The following ACACA variants were observed in gnomAD, a reference collection of about 807,000 sequenced individuals.
The protein encoded by ACACA is acetyl-CoA carboxylase 1.
ACACA carries 103 observed loss-of-function variants against 296.1 expected under a neutral mutation model. The observed-to-expected ratio is 0.35, with a 90% CI of 0.30 to 0.41. ACACA has a LOEUF of 0.41. ACACA is among the 10% of genes least tolerant of loss of function. The probability of loss-of-function intolerance (pLI) is 1.00; values close to 1 mark genes in which losing one functional copy is unlikely to be tolerated. For synonymous variants in ACACA, 953 were observed against 1,038.6 expected (o/e 0.92, Z 1.58); for missense variants, 1,554 against 2,989.7 (o/e 0.52, Z 11.20).
chr17:37,174,777 C>T (rs2077047258), intron 41 of ACACA, among the ~76,000 whole-genome samples: 1 of 151,740 alleles, frequency 6.6e-6, no homozygotes, highest in Admixed American at 6.6e-5. Flanking sequence ...ATGATCTGCC[C>T]GCCTCAGCCT....
intron 41 of ACACA, among the ~76,000 whole-genome samples, chr17:37,165,180 A>C (rs1173309056): frequency 7.4e-6 from 1 of 135,294 alleles, no homozygotes; most frequent in Non-Finnish European, 1.5e-5. Context: ...TCCCAGTCTC[A>C]GTGCAGCAAG....
In ACACA at chr17:37,221,766, A is replaced by G. The variant is rs766431055; in HGVS notation, c.3641T>C (p.Val1214Ala). 6.2e-7 allele frequency: 1 copy of G among 1,614,224 alleles called. No homozygotes were observed. The highest frequency in any genetic ancestry group is 1.1e-5 in the South Asian group (1 of 91,082). Residue 1214 changes from valine to alanine, a missense_variant, in exon 29 of 56, where the codon GTG (valine) becomes GCG (alanine). Coordinates refer to ENST00000616317, the MANE Select transcript of ACACA (RefSeq NM_198834.3). The part of the protein sequence containing the change: ...QHRQLKDNTC[V>A]VEFQFMLPTS... ...GGGCAGCATGAACTGGAATTCCACC[A>G]CACAGGTGTTGTCCTTAAGCTGGCG...
chr17:37,310,793 CAAA>C (rs74268026), intron 3 of ACACA, among the ~76,000 whole-genome samples: 1 of 50,506 alleles, frequency 2.0e-5, no homozygotes, highest in Non-Finnish European at 3.9e-5. Context: ...GACACCATCT[CAAA>C]AAAAAAAAAA....
At chr17:37,210,421 T>C (rs1279140504) in intron 30 of ACACA, 46 bp downstream of exon 30, 1 of 1,573,486 alleles carries the variant, frequency 6.4e-7, no homozygotes, top group African/African-American at 1.4e-5. Context: ...TATTCTAAGT[T>C]ACATAAAGGT....
At chr17:37,160,249 G>C (rs759080228) in intron 42 of ACACA, among the ~76,000 whole-genome samples, 1 of 152,208 alleles carries the variant, frequency 6.6e-6, no homozygotes, top group East Asian at 1.9e-4. Flanking sequence ...AAGAGCAGGA[G>C]GAAGTGTTGA....
intron 43 of ACACA, among the ~76,000 whole-genome samples, chr17:37,152,826 G>C (rs1288306100): frequency 6.6e-6 from 1 of 152,168 alleles, no homozygotes; most frequent in Non-Finnish European, 1.5e-5. Flanking sequence ...CCCCATAGTG[G>C]CTCTTAAAAT....
intron 1 of ACACA, among the ~76,000 whole-genome samples, chr17:37,354,734 A>C (rs1411197595): frequency 6.6e-6 from 1 of 151,878 alleles, no homozygotes; most frequent in African/African-American, 2.4e-5. Context: ...AGACCAGTCT[A>C]GGCAGTAAAG....
chr17:37,217,764 A>G (rs1015209687), intron 29 of ACACA, among the ~76,000 whole-genome samples: 1 of 106,762 alleles, frequency 9.4e-6, no homozygotes, highest in Non-Finnish European at 1.9e-5. Context: ...AAAAAAAAAA[A>G]CAACCTGTTT....
intron 48 of ACACA, among the ~76,000 whole-genome samples, chr17:37,125,260 T>C (rs1174020643): frequency 1.3e-5 from 2 of 152,034 alleles, no homozygotes; most frequent in African/African-American, 4.8e-5. Flanking sequence ...TATAATCCAA[T>C]ATAGTACATT....
chr17:37,375,186 T>TC (rs2049952241), intron 1 of ACACA, among the ~76,000 whole-genome samples: 1 of 148,816 alleles, frequency 6.7e-6, no homozygotes, highest in Non-Finnish European at 1.5e-5. Context: ...AGAACGAGAC[T>TC]CCATTTCACA....
At chr17:37,239,262 T>C (rs2080271145) in intron 24 of ACACA, among the ~76,000 whole-genome samples, 1 of 152,230 alleles carries the variant, frequency 6.6e-6, no homozygotes. Flanking sequence ...TAATAATCAA[T>C]CTGTGAATCC....
intron 41 of ACACA, among the ~76,000 whole-genome samples, chr17:37,176,070 T>C (rs1295828864): frequency 1.3e-5 from 2 of 152,182 alleles, no homozygotes; most frequent in African/African-American, 4.8e-5. Flanking sequence ...CCATCACCTT[T>C]TTACCTATTT....
At position 37,250,034 on chromosome 17, in the gene ACACA, C is replaced by T. The variant is rs139369253; in HGVS notation, c.2082-1360G>A. The stretch of plus-strand genomic sequence containing the variant: ...AAGATGTGTCTTTGCTCTTCCTTTG[C>T]CTTCCGCCATGATTGTGAGGCCTCC... On this transcript the variant is annotated intron_variant, in intron 16 of 55. Transcript: ENST00000616317. 5.7e-4 allele frequency among the ~76,000 whole-genome samples: 87 copies of T among 152,320 alleles called. No homozygotes were observed. In the East Asian group the frequency reaches 0.017, roughly 29 times the overall value.
At chr17:37,388,434 G>A (rs2050644718) in intron 1 of ACACA, among the ~76,000 whole-genome samples, 1 of 152,094 alleles carries the variant, frequency 6.6e-6, no homozygotes, top group African/African-American at 2.4e-5. Context: ...CCAATTCCAG[G>A]GAAGGTGACT....
intron 5 of ACACA, 141 bp downstream of exon 5, chr17:37,283,126 A>T: frequency 9.6e-7 from 1 of 1,042,070 alleles, no homozygotes; most frequent in Non-Finnish European, 1.4e-6. Flanking sequence ...GACACATTTT[A>T]AACAGAAATT....
chr17:37,136,760 G>A (rs941092819), intron 45 of ACACA, among the ~76,000 whole-genome samples: 7 of 152,212 alleles, frequency 4.6e-5, no homozygotes, highest in South Asian at 2.1e-4. Context: ...GGATAACACG[G>A]TGAAACCCCA....
Position 37,167,539 on chromosome 17 carries a change from G to A in ACACA, c.5080-5489C>T, listed in dbSNP as rs1417361109. 3.3e-5 allele frequency among the ~76,000 whole-genome samples: 5 copies of A among 151,490 alleles called. No individual in the cohort carries two copies. The East Asian group carries it at 5.8e-4, about 18-fold the overall frequency. ...TCACCATGTTGGCCAGGCTGGTCTC[G>A]AACCCCTGACCTCAGGTGATCCACC... On this transcript the variant is annotated intron_variant, in intron 41 of 55. Coordinates refer to ENST00000616317, the MANE Select transcript of ACACA (RefSeq NM_198834.3).
At chr17:37,401,011 C>T (rs956152501) in intron 1 of ACACA, among the ~76,000 whole-genome samples, 2 of 152,146 alleles carry the variant, frequency 1.3e-5, no homozygotes, top group Non-Finnish European at 2.9e-5. Flanking sequence ...TTCCCACTGA[C>T]AGTGTACAGG....
At chr17:37,355,703 A>G (rs897802504) in intron 1 of ACACA, among the ~76,000 whole-genome samples, 3 of 143,002 alleles carry the variant, frequency 2.1e-5, no homozygotes, top group Non-Finnish European at 4.6e-5. Flanking sequence ...TAAAAATACA[A>G]AAAAATTAGC....
Sources: allele counts gnomAD v4.1 joint callset (sites outside exome capture counted in the v4.1 genomes callset), GRCh38; gene constraint gnomAD v4.1.1; transcripts MANE v1.5; gene names NCBI Gene and HGNC (gene_info 2026-07-23, HGNC 2026-07-21).